Variants in CRYBB2 observed in about 807,000 individuals in gnomAD.
CRYBB2 encodes the protein crystallin beta B2.
Under a neutral mutation model 24.3 loss-of-function variants are expected in CRYBB2, and 12 were observed. The ratio of observed to expected loss-of-function variants is 0.49; its 90% CI spans 0.32 to 0.80. The LOEUF is 0.80. Ranked by LOEUF, CRYBB2 falls within the 30% of genes least tolerant of loss-of-function variation. CRYBB2 has a pLI of 0.04. For missense variants in CRYBB2, 198 were observed against 268.5 expected (o/e 0.74, Z 1.83); for synonymous variants, 98 against 101.6 (o/e 0.96, Z 0.21).
intron 4 of CRYBB2, among the ~76,000 whole-genome samples, chr22:25,229,177 TGAG>T (rs1569021540): frequency 2.0e-5 from 3 of 151,990 alleles, no homozygotes; most frequent in South Asian, 2.1e-4. Flanking sequence ...AAGAGAAACT[TGAG>T]GAGGAAAAAA....
intron 3 of CRYBB2, among the ~76,000 whole-genome samples, chr22:25,225,736 C>G (rs530776813): frequency 1.1e-4 from 16 of 152,308 alleles, no homozygotes; most frequent in Admixed American, 2.0e-4. Flanking sequence ...GGCTGGAAAT[C>G]CTAAGGTGAC....
chr22:25,224,830 G>A (rs1021051987), intron 2 of CRYBB2, 88 bp from the exon 3 acceptor site: 2 of 801,350 alleles, frequency 2.5e-6, no homozygotes, highest in African/African-American at 3.4e-5. Context: ...GCATCCTTTG[G>A]GTTCTCTGAG....
chr22:25,227,770 G>C, intron 3 of CRYBB2, 83 bp from the exon 4 acceptor site: 1 of 1,608,696 alleles, frequency 6.2e-7, no homozygotes. Context: ...GAACCCTAGG[G>C]GTCAACATCA....
chr22:25,213,885 CATTA>C (rs1309495161), intron 1 of CRYBB2, among the ~76,000 whole-genome samples: 1 of 152,112 alleles, frequency 6.6e-6, no homozygotes, highest in Non-Finnish European at 1.5e-5. Flanking sequence ...TGCTCTTTAT[CATTA>C]ATTAATTCAG....
intron 2 of CRYBB2, among the ~76,000 whole-genome samples, chr22:25,223,966 CA>C (rs1200307073): frequency 1.3e-5 from 2 of 151,594 alleles, no homozygotes; most frequent in Non-Finnish European, 2.9e-5. Flanking sequence ...TAAAAAAATA[CA>C]AAAAAAATTA....
intron 5 of CRYBB2, among the ~76,000 whole-genome samples, chr22:25,230,179 C>T (rs538349656): frequency 1.4e-5 from 2 of 147,456 alleles, no homozygotes; most frequent in Non-Finnish European, 3.0e-5. Flanking sequence ...TTAATTGAGA[C>T]GGAGGCGCGC....
chr22:25,224,801 T>G, intron 2 of CRYBB2, 117 bp from the exon 3 acceptor site: 1 of 777,134 alleles, frequency 1.3e-6, no homozygotes, highest in Non-Finnish European at 2.4e-6. Flanking sequence ...GATTTGTCAC[T>G]CTGGAGGTGA....
chr22:25,212,182 C>T (rs963594589), upstream of CRYBB2, among the ~76,000 whole-genome samples: 8 of 152,180 alleles, frequency 5.3e-5, no homozygotes, highest in African/African-American at 1.7e-4. Context: ...TCCAGAGCTC[C>T]GTTCCAGACA....
At chr22:25,225,739 A>C (rs1935401999) in intron 3 of CRYBB2, among the ~76,000 whole-genome samples, 1 of 152,194 alleles carries the variant, frequency 6.6e-6, no homozygotes, top group Admixed American at 6.5e-5. Context: ...TGGAAATCCT[A>C]AGGTGACCTA....
chr22:25,216,947 G>A (rs1935177863), upstream of CRYBB2, among the ~76,000 whole-genome samples: 1 of 152,196 alleles, frequency 6.6e-6, no homozygotes, highest in Non-Finnish European at 1.5e-5. Flanking sequence ...GTTGGAGTCA[G>A]AATTTCCTTT....
chr22:25,218,200 A>G (rs920620413), upstream of CRYBB2, among the ~76,000 whole-genome samples: 5 of 151,682 alleles, frequency 3.3e-5, no homozygotes, highest in South Asian at 2.1e-4. Context: ...CAGAGCTTGC[A>G]GTGAGCTGAG....
intron 3 of CRYBB2, among the ~76,000 whole-genome samples, chr22:25,226,074 T>G (rs1935407946): frequency 6.6e-6 from 1 of 152,178 alleles, no homozygotes; most frequent in Admixed American, 6.5e-5. Context: ...ATTTTAAAAC[T>G]AAGAAGATAT....
At chr22:25,225,068 G>C (rs776264814) in intron 3 of CRYBB2, 32 bp downstream of exon 3, 1 of 1,151,646 alleles carries the variant, frequency 8.7e-7, no homozygotes. Context: ...CCTGGTCAGG[G>C]ACTTTGGGTG....
At chr22:25,217,133 T>C (rs950260716), upstream of CRYBB2, among the ~76,000 whole-genome samples, 7 of 152,050 alleles carry the variant, frequency 4.6e-5, no homozygotes, top group South Asian at 6.2e-4. Context: ...TTGGGGCACG[T>C]GCACAGAAGT....
chr22:25,214,141 C>A (rs1485769364), intron 1 of CRYBB2, among the ~76,000 whole-genome samples: 1 of 152,084 alleles, frequency 6.6e-6, no homozygotes, highest in East Asian at 1.9e-4. Flanking sequence ...GAGTTCGCGA[C>A]CTACCTGGAC....
Position 25,229,586 on chromosome 22 carries a change from C to T in CRYBB2, c.449+8C>T, listed in dbSNP as rs751212905. 3.2e-5 allele frequency: 51 copies of T among 1,614,078 alleles called. No homozygotes were observed. Among genetic ancestry groups the T allele is most frequent in the African/African-American group, 4.0e-5 (3 of 74,960 alleles). On this transcript the variant is annotated splice_region_variant and intron_variant, in intron 5 of 5. Transcript: ENST00000398215. ...GCGGGTGCAGAGTGGCACGTAAGTG[C>T]GTTGCCAGCCCTGGCTCACCCTGCC...
upstream of CRYBB2, among the ~76,000 whole-genome samples, chr22:25,218,708 GA>G (rs2146083894): frequency 2.7e-5 from 1 of 36,458 alleles, no homozygotes; most frequent in East Asian, 1.1e-3. Context: ...GAGAGAGGGG[GA>G]GAGAGAGAGA....
chr22:25,220,554 T>C (rs1935301585), intron 1 of CRYBB2, among the ~76,000 whole-genome samples: 1 of 152,212 alleles, frequency 6.6e-6, no homozygotes, highest in Non-Finnish European at 1.5e-5. Flanking sequence ...CTTAACTGCA[T>C]TTCTTCCTCC....
chr22:25,225,085 T>C, intron 3 of CRYBB2, 49 bp downstream of exon 3: 2 of 1,035,694 alleles, frequency 1.9e-6, no homozygotes, highest in Non-Finnish European at 3.1e-6. Context: ...GGTGAGGTGA[T>C]CAAGTTGTGG....
Sources: gnomAD v4.1 joint callset for allele counts (sites outside exome capture counted in the v4.1 genomes callset) on GRCh38, gnomAD v4.1.1 for gene constraint, MANE v1.5 for transcripts, NCBI Gene and HGNC (gene_info 2026-07-23, HGNC 2026-07-21) for gene names.